SH3RF3: variants seen among roughly 807,000 people sequenced by gnomAD.
SH3RF3 encodes the protein SH3 domain containing ring finger 3.
A neutral mutation model predicts 66.3 loss-of-function variants in SH3RF3; 29 were observed. That is an observed-to-expected ratio of 0.44 (90% confidence interval 0.33 to 0.60). The LOEUF (loss-of-function observed/expected upper bound fraction) is 0.60, where lower values mean the gene tolerates loss of function less well. Among genes scored for constraint, SH3RF3 ranks in the 20% least tolerant of loss-of-function variants. SH3RF3 has a pLI of 0.04. For synonymous variants in SH3RF3, 583 were observed against 532.0 expected (o/e 1.10, Z -1.32); for missense variants, 1,194 against 1,190.9 (o/e 1.00, Z -0.04).
At chr2:109,192,655 T>C (rs1324301652) in intron 1 of SH3RF3, among the ~76,000 whole-genome samples, 1 of 152,186 alleles carries the variant, frequency 6.6e-6, no homozygotes, top group Non-Finnish European at 1.5e-5. Flanking sequence ...CAAATAGGCC[T>C]TCCAACTGCA....
chr2:109,490,645 C>T lies in SH3RF3; in HGVS notation c.2189C>T (p.Ala730Val). Residue 730 changes from alanine to valine, a missense_variant, in exon 9 of 10, where the codon GCA becomes GTA. Coordinates refer to ENST00000309415, the MANE Select transcript of SH3RF3 (RefSeq NM_001099289.3). ...GGGCTCCTGAAGCTTCTAGCCGGAG[C>T]ATCCACCAAGAAGAAGTCACGCTCC... ...KSGLLKLLAGASTKKKSRSPP... is the reference protein window; with the variant it reads ...KSGLLKLLAGVSTKKKSRSPP... 1.3e-6 allele frequency: 2 copies of T among 1,497,418 alleles called. No homozygotes were observed. The highest frequency in any genetic ancestry group is 1.8e-6 in the Non-Finnish European group (2 of 1,121,668). 92.8% of individuals were successfully genotyped at this position (1,497,418 alleles called of 1,614,324 possible).
chr2:109,164,822 A>G (rs377454666), intron 1 of SH3RF3, among the ~76,000 whole-genome samples: 15 of 152,170 alleles, frequency 9.9e-5, no homozygotes, highest in African/African-American at 3.6e-4. Flanking sequence ...CCAGGAAGTG[A>G]GTTTCTAACT....
In SH3RF3 at chr2:109,381,066, C is replaced by T. The variant is rs567222256; in HGVS notation, c.945+9385C>T. Among the ~76,000 whole-genome samples the T allele has an allele frequency of 1.6e-3, 243 of 152,334 alleles. 3 individuals carry two copies. Among genetic ancestry groups the T allele is most frequent in the African/African-American group, 5.4e-3 (224 of 41,572 alleles). Reference sequence around the variant, plus strand: ...TGTGTCAGGAAGAGGGCTTCCTCCACGGGTCTACCAAGTGGTCTACCACTT... The same window carrying T: ...TGTGTCAGGAAGAGGGCTTCCTCCATGGGTCTACCAAGTGGTCTACCACTT... On this transcript the variant is annotated intron_variant, in intron 3 of 9. Coordinates refer to ENST00000309415, the MANE Select transcript of SH3RF3 (RefSeq NM_001099289.3).
intron 2 of SH3RF3, among the ~76,000 whole-genome samples, chr2:109,358,619 CCATT>C (rs1012874230): frequency 3.9e-5 from 6 of 152,200 alleles, no homozygotes; most frequent in South Asian, 2.1e-4. Context: ...CTTTGACTCA[CCATT>C]CAATCAGACT....
At chr2:109,140,077 C>T (rs181416602) in intron 1 of SH3RF3, among the ~76,000 whole-genome samples, 9 of 152,334 alleles carry the variant, frequency 5.9e-5, no homozygotes, top group African/African-American at 1.9e-4. Context: ...GACAGGTCTG[C>T]GGAAGGCTTT....
intron 8 of SH3RF3, among the ~76,000 whole-genome samples, chr2:109,484,432 C>T (rs1559108132): frequency 6.6e-6 from 1 of 152,126 alleles, no homozygotes; most frequent in East Asian, 1.9e-4. Context: ...CTGGCCCGCA[C>T]CTGCTTTTTG....
chr2:109,198,148 C>A (rs1678551206), intron 1 of SH3RF3, among the ~76,000 whole-genome samples: 1 of 152,136 alleles, frequency 6.6e-6, no homozygotes, highest in African/African-American at 2.4e-5. Flanking sequence ...ACTTAGAAGT[C>A]CTGCCCAGTG....
intron 1 of SH3RF3, among the ~76,000 whole-genome samples, chr2:109,286,345 C>T (rs891278347): frequency 3.3e-5 from 5 of 152,188 alleles, no homozygotes; most frequent in Admixed American, 6.5e-5. Flanking sequence ...GTGCTGCCCA[C>T]GCAGTGGTCA....
rs1679418553 is a variant in SH3RF3 at position 109,502,589 on chromosome 2, G to A, written c.*918G>A. The A allele has an allele frequency of 1.3e-5, 2 of 152,170 alleles. No homozygotes were observed. The highest frequency in any genetic ancestry group is 2.9e-5 in the Non-Finnish European group (2 of 68,054). 9.4% of individuals were successfully genotyped at this position (152,170 alleles called of 1,614,324 possible). A position where few individuals can be genotyped will look rare whatever the true frequency, so the allele number is the denominator to read the frequency against. On this transcript the variant is annotated 3_prime_UTR_variant, in exon 10 of 10. Coordinates refer to ENST00000309415, the MANE Select transcript of SH3RF3 (RefSeq NM_001099289.3). ...GGCTGGCGGGGTGGATCCATTGAGG[G>A]GGTCGGAGGGAGCTTGGAAGCAGCC...
At chr2:109,368,718 A>G (rs550821926) in intron 2 of SH3RF3, among the ~76,000 whole-genome samples, 14 of 150,888 alleles carry the variant, frequency 9.3e-5, no homozygotes, top group Admixed American at 2.6e-4. Flanking sequence ...TAAAAAAAAA[A>G]AAAAAGAAAA....
chr2:109,149,953 G>T (rs1181943249), intron 1 of SH3RF3, among the ~76,000 whole-genome samples: 2 of 152,186 alleles, frequency 1.3e-5, no homozygotes, highest in Non-Finnish European at 2.9e-5. Flanking sequence ...AGTGGTTCTT[G>T]ACTTGGGGTG....
chr2:109,427,483 G>C (rs529159910), intron 5 of SH3RF3, among the ~76,000 whole-genome samples: 1 of 152,292 alleles, frequency 6.6e-6, no homozygotes, highest in South Asian at 2.1e-4. Flanking sequence ...GAGGGCTGTT[G>C]AAACACAGAT....
At chr2:109,226,430 C>T (rs1273415548) in intron 1 of SH3RF3, among the ~76,000 whole-genome samples, 1 of 152,200 alleles carries the variant, frequency 6.6e-6, no homozygotes, top group Non-Finnish European at 1.5e-5. Context: ...TCTAATGACA[C>T]ACGTGGCCCA....
chr2:109,217,495 A>G (rs1679127056), intron 1 of SH3RF3, among the ~76,000 whole-genome samples: 1 of 152,192 alleles, frequency 6.6e-6, no homozygotes, highest in East Asian at 1.9e-4. Context: ...CATCTTAGTA[A>G]TAGGAAGAAG....
At chr2:109,279,371 G>A (rs1189478358) in intron 1 of SH3RF3, among the ~76,000 whole-genome samples, 1 of 152,190 alleles carries the variant, frequency 6.6e-6, no homozygotes, top group Non-Finnish European at 1.5e-5. Flanking sequence ...ATCGGCAGTG[G>A]CAGGTTCTTG....
Position 109,349,832 on chromosome 2 carries a change from G to A in SH3RF3, c.849+1883G>A, listed in dbSNP as rs568098594. Reference sequence around the variant, plus strand: ...CACCATATAACCTGCTGCATTCCACGGGCCTCTGCCCAGGATGTGCAACCC... The same window carrying A: ...CACCATATAACCTGCTGCATTCCACAGGCCTCTGCCCAGGATGTGCAACCC... On this transcript the variant is annotated intron_variant, in intron 2 of 9. Transcript: ENST00000309415. Among the ~76,000 whole-genome samples, 21 of 152,344 alleles carry A rather than the reference G, an allele frequency of 1.4e-4. No homozygotes were observed. The South Asian group carries it at 3.5e-3, about 26-fold the overall frequency.
At chr2:109,250,259 G>A (rs1362111591) in intron 1 of SH3RF3, among the ~76,000 whole-genome samples, 1 of 152,072 alleles carries the variant, frequency 6.6e-6, no homozygotes, top group Admixed American at 6.6e-5. Flanking sequence ...AGAATGTTTA[G>A]AACTTTGGAA....
intron 2 of SH3RF3, among the ~76,000 whole-genome samples, chr2:109,364,623 A>G (rs1373115389): frequency 6.6e-6 from 1 of 152,200 alleles, no homozygotes; most frequent in African/African-American, 2.4e-5. Flanking sequence ...TGCGGCCACA[A>G]ATGTTCTATA....
intron 9 of SH3RF3, among the ~76,000 whole-genome samples, chr2:109,491,355 C>T (rs917691201): frequency 2.0e-5 from 3 of 152,208 alleles, no homozygotes; most frequent in African/African-American, 7.2e-5. Flanking sequence ...CAAGCCTCAA[C>T]CCACTCGGCG....
Sources: gnomAD v4.1 joint callset for allele counts (sites outside exome capture counted in the v4.1 genomes callset) on GRCh38, gnomAD v4.1.1 for gene constraint, MANE v1.5 for transcripts, NCBI Gene and HGNC (gene_info 2026-07-23, HGNC 2026-07-21) for gene names.